Variants in LAG3 observed in about 807,000 individuals in gnomAD.
The protein encoded by LAG3 is lymphocyte activation gene 3 protein.
In LAG3, 29 loss-of-function variants were observed where a neutral mutation model predicts 49.0. That is an observed-to-expected ratio of 0.59 (90% CI 0.44 to 0.81). The LOEUF is 0.81. Among genes scored for constraint, LAG3 ranks in the 30% least tolerant of loss-of-function variants. LAG3 has a pLI of 0.00. For synonymous variants in LAG3, 320 were observed against 297.3 expected, an observed-to-expected ratio of 1.08 and a Z score of -0.79; for missense variants, 693 against 695.2, an observed-to-expected ratio of 1.00 and a Z score of 0.04.
Position 6,773,023 on chromosome 12 carries a change from C to T in LAG3, c.58+113C>T. On this transcript the variant is annotated intron_variant, in intron 1 of 7. Coordinates refer to ENST00000203629, the MANE Select transcript of LAG3 (RefSeq NM_002286.6). The surrounding 1 kb of genome is among the most constrained non-coding windows in gnomAD (Gnocchi z 5.5). ...CTTAGCTCTGTGGATTCTTCTAATC[C>T]CTTTTTTGGGCAGTCCTTCCACCCC... 15 of 1,397,016 alleles carry T rather than the reference C, an allele frequency of 1.1e-5. No individual in the cohort carries two copies. The highest frequency in any genetic ancestry group is 1.4e-5 in the Non-Finnish European group (14 of 998,626). The allele number at this position is 1,397,016 out of a possible 1,614,324, so 86.5% of individuals were successfully genotyped here.
intron 6 of LAG3, 105 bp from the exon 7 acceptor site, chr12:6,777,686 G>T: frequency 6.7e-7 from 1 of 1,493,162 alleles, no homozygotes; most frequent in Non-Finnish European, 9.2e-7. Flanking sequence ...CCTGGGACAA[G>T]TCCCTTAAAC....
At chr12:6,774,139 T>C in intron 3 of LAG3, 138 bp downstream of exon 3, 1 of 1,290,628 alleles carries the variant, frequency 7.7e-7, no homozygotes, top group South Asian at 2.2e-5. Context: ...AGGAAGGGGG[T>C]GGGCGGCCTG....
rs765608212 is a variant in LAG3 at position 6,777,349 on chromosome 12, G to A, written c.1143G>A (p.Val381=). The change falls in exon 6 of 8, where the codon GTG becomes GTA. Residue 381 remains valine, a synonymous_variant. Coordinates refer to ENST00000203629, the MANE Select transcript of LAG3 (RefSeq NM_002286.6). The part of the protein sequence containing the change: ...VTPVSGQERF[V]WSSLDTPSQR... ...CAGTATCTGGACAAGAACGCTTTGTGTGGAGCTCTCTGGACACCCCATCCC... is the reference window on the plus strand; with the variant it reads ...CAGTATCTGGACAAGAACGCTTTGTATGGAGCTCTCTGGACACCCCATCCC... 3.1e-6 allele frequency: 5 copies of A among 1,614,210 alleles called. No homozygotes were observed. In the Admixed American group the frequency reaches 5.0e-5, roughly 16 times the overall value.
At position 6,775,025 on chromosome 12, in the gene LAG3, A is replaced by G. The variant is rs181529401; in HGVS notation, c.781+161A>G. ...ACCCCTTTATATTGCTGGCAGCCTCACAGCTGCCATCACCCCTTCTTGCTT... is the reference window on the plus strand; with the variant it reads ...ACCCCTTTATATTGCTGGCAGCCTCGCAGCTGCCATCACCCCTTCTTGCTT... On this transcript the variant is annotated intron_variant, in intron 4 of 7. Transcript: ENST00000203629. Among the ~76,000 whole-genome samples, 134 of 152,080 alleles carry G rather than the reference A, an allele frequency of 8.8e-4. 2 individuals carry two copies. The highest frequency in any genetic ancestry group is 2.9e-3 in the South Asian group (14 of 4,812).
rs754551194 is a variant in LAG3 at position 6,775,572 on chromosome 12, T to C, written c.1057+24T>C. On this transcript the variant is annotated intron_variant, in intron 5 of 7. Coordinates refer to ENST00000203629, the MANE Select transcript of LAG3 (RefSeq NM_002286.6). ...AGGTCAGCCTCAGGTGGGAAAGGAG[T>C]AGCTGCCCTCCCAGGGTAGAAAGGA... The C allele has an allele frequency of 1.9e-6, 3 of 1,610,756 alleles. No individual in the cohort carries two copies. The African/African-American group carries it at 4.0e-5, about 22-fold the overall frequency.
chr12:6,775,845 T>C lies in LAG3; in HGVS notation c.1057+297T>C, dbSNP rs991363447. 11 of 382,030 alleles carry C rather than the reference T, an allele frequency of 2.9e-5. No homozygotes were observed. The Middle Eastern group carries it at 2.2e-3, about 77-fold the overall frequency. 23.7% of individuals were successfully genotyped at this position (382,030 alleles called of 1,614,324 possible). Reference sequence around the variant, plus strand: ...AAGGAAAGGTGACAAAAATTCTGAATGGTTCGAAAGAGGTAGAATATATTT... The same window carrying C: ...AAGGAAAGGTGACAAAAATTCTGAACGGTTCGAAAGAGGTAGAATATATTT... On this transcript the variant is annotated intron_variant, in intron 5 of 7. Transcript: ENST00000203629.
At position 6,773,470 on chromosome 12, in the gene LAG3, C is replaced by G; in HGVS notation, c.206+131C>G. ...CAGTGACCCAGTCTCCCTGCCCTCG[C>G]TTGCACCGTTCCTGCCCTTGCTCTG... On this transcript the variant is annotated intron_variant, in intron 2 of 7. Coordinates refer to ENST00000203629, the MANE Select transcript of LAG3 (RefSeq NM_002286.6). The surrounding 1 kb of genome is among the most constrained non-coding windows in gnomAD (Gnocchi z 5.5). The G allele has an allele frequency of 2.5e-6, 3 of 1,222,158 alleles. No homozygotes were observed. The highest frequency in any genetic ancestry group is 3.4e-6 in the Non-Finnish European group (3 of 881,620). 75.7% of individuals were successfully genotyped at this position (1,222,158 alleles called of 1,614,324 possible). A position where few individuals can be genotyped will look rare whatever the true frequency, so the allele number is the denominator to read the frequency against.
intron 5 of LAG3, 50 bp from the exon 6 acceptor site, chr12:6,777,214 A>G (rs1206412790): frequency 6.2e-6 from 10 of 1,609,346 alleles, no homozygotes; most frequent in Non-Finnish European, 8.5e-6. Flanking sequence ...CTGTGATATC[A>G]CGTAAGGGGG....
In LAG3 at chr12:6,778,385, C is replaced by T; in HGVS notation, c.1573C>T (p.Leu525Phe). 3.1e-6 allele frequency: 5 copies of T among 1,610,020 alleles called. No individual in the cohort carries two copies. The highest frequency in any genetic ancestry group is 4.2e-6 in the Non-Finnish European group (5 of 1,179,876). Residue 525 changes from leucine to phenylalanine, a missense_variant, in exon 8 of 8, where the codon CTC becomes TTC. Coordinates refer to ENST00000203629, the MANE Select transcript of LAG3 (RefSeq NM_002286.6). The stretch of plus-strand genomic sequence containing the variant: ...CGAGCCCGAGCCCGAGCCGGAGCAG[C>T]TCTGACCTGGAGCTGAGGCAGCCAG... Reference protein sequence around the residue: ...EPEPEPEPEQL With the variant: ...EPEPEPEPEQF
chr12:6,774,069 A>C, intron 3 of LAG3, 68 bp downstream of exon 3: 1 of 1,368,844 alleles, frequency 7.3e-7, no homozygotes, highest in South Asian at 1.7e-5. Context: ...CCCGGGACGC[A>C]GGAAGGGCTG....
Position 6,773,477 on chromosome 12 carries a change from C to T in LAG3, c.206+138C>T, listed in dbSNP as rs1592495305. On this transcript the variant is annotated intron_variant, in intron 2 of 7. Coordinates refer to ENST00000203629, the MANE Select transcript of LAG3 (RefSeq NM_002286.6). The surrounding 1 kb of genome is among the most constrained non-coding windows in gnomAD (Gnocchi z 5.5). ...CCAGTCTCCCTGCCCTCGCTTGCAC[C>T]GTTCCTGCCCTTGCTCTGCAATCAG... 3.4e-6 allele frequency: 4 copies of T among 1,179,990 alleles called. No homozygotes were observed. The highest frequency in any genetic ancestry group is 1.6e-5 in the African/African-American group (1 of 63,830). 73.1% of individuals were successfully genotyped at this position (1,179,990 alleles called of 1,614,324 possible).
intron 6 of LAG3, 100 bp from the exon 7 acceptor site, chr12:6,777,690 CT>C: frequency 6.6e-7 from 1 of 1,510,538 alleles, no homozygotes; most frequent in South Asian, 1.2e-5. Flanking sequence ...GGACAAGTCC[CT>C]TAAACTCTCT....
chr12:6,773,872 C>A lies in LAG3; in HGVS notation c.382C>A (p.Gln128Lys). ...PRVQLDERGR[Q>K]RGDFSLWLRP... ...CGTCCAGCTGGATGAGCGCGGCCGG[C>A]AGCGCGGGGACTTCTCGCTATGGCT... The change falls in exon 3 of 8, where the codon CAG becomes AAG. Residue 128 changes from glutamine (Q) to lysine (K), a missense_variant. Physicochemically the swap from Gln to Lys is moderately conservative, Grantham distance 53. Transcript: ENST00000203629. This position sits in a 1 kb window ranked among gnomAD's most constrained non-coding sequence, Gnocchi z 5.5. 7.1e-7 allele frequency: 1 copy of A among 1,400,264 alleles called. No individual in the cohort carries two copies. The allele number at this position is 1,400,264 out of a possible 1,614,324, so 86.7% of individuals were successfully genotyped here. A position where few individuals can be genotyped will look rare whatever the true frequency, so the allele number is the denominator to read the frequency against.
intron 5 of LAG3, 92 bp downstream of exon 5, chr12:6,775,640 C>T: frequency 1.6e-6 from 2 of 1,280,398 alleles, no homozygotes; most frequent in Admixed American, 2.1e-5. Flanking sequence ...GCAAACCCAC[C>T]CTGTGATGCC....
Position 6,774,674 on chromosome 12 carries a change from A to G in LAG3, c.591A>G (p.Pro197=). The part of the protein sequence containing the change: ...LNCSFSRPDR[P]ASVHWFRNRG... ...GCTCCTTCAGCCGCCCTGACCGCCC[A>G]GCCTCTGTGCATTGGTTCCGGAACC... is the stretch of plus-strand genomic sequence containing the variant. Residue 197 remains proline, a synonymous_variant, in exon 4 of 8, where the codon CCA becomes CCG. Transcript: ENST00000203629. The G allele has an allele frequency of 6.2e-7, 1 of 1,614,146 alleles. No homozygotes were observed. Among genetic ancestry groups the G allele is most frequent in the Non-Finnish European group, 8.5e-7 (1 of 1,180,022 alleles).
intron 5 of LAG3, among the ~76,000 whole-genome samples, chr12:6,776,606 CACTTT>C (rs1941909525): frequency 2.6e-5 from 4 of 152,186 alleles, no homozygotes; most frequent in Admixed American, 1.3e-4. Context: ...ACCCATCTCT[CACTTT>C]ACAACTTGGA....
chr12:6,778,137 C>T, intron 7 of LAG3, 107 bp from the exon 8 acceptor site: 1 of 1,321,116 alleles, frequency 7.6e-7, no homozygotes, highest in Non-Finnish European at 1.1e-6. Flanking sequence ...ATGGGGAGGG[C>T]AGGGGCGCTG....
chr12:6,777,952 C>T, intron 7 of LAG3, 31 bp downstream of exon 7: 1 of 1,610,798 alleles, frequency 6.2e-7, no homozygotes, highest in Non-Finnish European at 8.5e-7. Flanking sequence ...CCCCGCCCCC[C>T]AGCAGCTCCC....
intron 3 of LAG3, among the ~76,000 whole-genome samples, chr12:6,774,388 A>G (rs1592495939): frequency 6.6e-6 from 1 of 152,138 alleles, no homozygotes; most frequent in African/African-American, 2.4e-5. Flanking sequence ...CAGGCCAGGG[A>G]CGGGGAAAGT....
Sources: allele counts gnomAD v4.1 joint callset (sites outside exome capture counted in the v4.1 genomes callset), GRCh38; gene constraint gnomAD v4.1.1; non-coding constraint Gnocchi (gnomAD v3.1); transcripts MANE v1.5; gene names NCBI Gene and HGNC (gene_info 2026-07-23, HGNC 2026-07-21).